The following ACYP2 variants were observed in gnomAD, a reference collection of about 807,000 sequenced individuals.
ACYP2 encodes acylphosphatase 2.
A neutral mutation model predicts 11.2 loss-of-function variants in ACYP2; 12 were observed. The observed-to-expected ratio is 1.08, with a 90% CI of 0.69 to 1.74. The LOEUF (loss-of-function observed/expected upper bound fraction) is 1.74, where lower values mean the gene tolerates loss of function less well. ACYP2 is among the 40% of genes most tolerant of loss of function. ACYP2 has a pLI of 0.00. For synonymous variants in ACYP2, 43 were observed against 32.2 expected (o/e 1.33, Z -1.13); for missense variants, 134 against 101.9 (o/e 1.31, Z -1.35).
At chr2:54,000,102 T>C (rs574717302) in intron 2 of ACYP2, among the ~76,000 whole-genome samples, 6 of 151,862 alleles carry the variant, frequency 4.0e-5, no homozygotes, top group African/African-American at 1.4e-4. Flanking sequence ...GAAATTTCTA[T>C]ATACTTATTT....
chr2:54,094,751 T>A (rs1048678805), intron 4 of ACYP2, among the ~76,000 whole-genome samples: 1 of 151,788 alleles, frequency 6.6e-6, no homozygotes, highest in African/African-American at 2.4e-5. Context: ...TTGGCCTGAC[T>A]GGTCTCAAAC....
At chr2:54,131,110 C>T (rs1287780179) in intron 4 of ACYP2, among the ~76,000 whole-genome samples, 5 of 152,222 alleles carry the variant, frequency 3.3e-5, no homozygotes, top group African/African-American at 7.2e-5. Context: ...ATTCTTTGCA[C>T]TTAAAATTAG....
chr2:54,269,912 TATATAAC>T (rs1350930894), intron 6 of ACYP2, among the ~76,000 whole-genome samples: 2 of 152,198 alleles, frequency 1.3e-5, no homozygotes, highest in African/African-American at 2.4e-5. Flanking sequence ...TTCTAATGAC[TATATAAC>T]AGTCTGTTGA....
intron 2 of ACYP2, among the ~76,000 whole-genome samples, chr2:54,023,625 C>T (rs181313376): frequency 6.6e-6 from 1 of 152,174 alleles, no homozygotes; most frequent in East Asian, 1.9e-4. Context: ...GTTGAGTATC[C>T]TTTCATGGGC....
At position 54,304,726 on chromosome 2, in the gene ACYP2, G is replaced by C; in HGVS notation, c.443G>C (p.Arg148Pro). The change falls in exon 7 of 7, where the codon CGC becomes CCC. Residue 148 changes from arginine (R) to proline (P), a missense_variant. By Grantham distance (103) the Arg-to-Pro change is moderately radical (BLOSUM62 -2). Transcript: ENST00000607452. Reference sequence around the variant, plus strand: ...AGCAAGGTTGGAAGCCCTAGTTCTCGCATTGACCGCACAAACTTTTCTAAT... The same window carrying C: ...AGCAAGGTTGGAAGCCCTAGTTCTCCCATTGACCGCACAAACTTTTCTAAT... 6.2e-7 allele frequency: 1 copy of C among 1,611,872 alleles called. No individual in the cohort carries two copies. The highest frequency in any genetic ancestry group is 8.5e-7 in the Non-Finnish European group (1 of 1,179,448).
At chr2:54,167,587 G>A (rs1270008778) in intron 6 of ACYP2, among the ~76,000 whole-genome samples, 1 of 152,094 alleles carries the variant, frequency 6.6e-6, no homozygotes, top group East Asian at 1.9e-4. Flanking sequence ...TTTGGGGGAG[G>A]AACTACTGAG....
At chr2:54,197,933 G>A (rs1031057219) in intron 6 of ACYP2, among the ~76,000 whole-genome samples, 5 of 108,964 alleles carry the variant, frequency 4.6e-5, no homozygotes, top group Non-Finnish European at 6.4e-5. Flanking sequence ...TTTTATTTAT[G>A]TATGTATTAT....
intron 2 of ACYP2, among the ~76,000 whole-genome samples, chr2:53,989,072 A>G (rs1417840532): frequency 6.6e-6 from 1 of 151,824 alleles, no homozygotes; most frequent in Non-Finnish European, 1.5e-5. Flanking sequence ...AAATAACACC[A>G]TCTGAAGGCC....
chr2:54,113,886 A>C (rs1392431185), intron 4 of ACYP2, among the ~76,000 whole-genome samples: 1 of 152,040 alleles, frequency 6.6e-6, no homozygotes, highest in Non-Finnish European at 1.5e-5. Flanking sequence ...GAACGTATTA[A>C]GAAGAATGAT....
chr2:54,132,177 C>T (rs1009836994), intron 4 of ACYP2, among the ~76,000 whole-genome samples: 2 of 151,924 alleles, frequency 1.3e-5, no homozygotes, highest in African/African-American at 2.4e-5. Flanking sequence ...GATAAAAAGA[C>T]GCACACTTTT....
intron 5 of ACYP2, among the ~76,000 whole-genome samples, chr2:54,137,588 C>G (rs1305882518): frequency 6.6e-6 from 1 of 152,168 alleles, no homozygotes; most frequent in Non-Finnish European, 1.5e-5. Flanking sequence ...CAGCTCCATT[C>G]ATGTTCCTTC....
intron 6 of ACYP2, among the ~76,000 whole-genome samples, chr2:54,238,536 T>A (rs1480626191): frequency 2.0e-5 from 3 of 152,196 alleles, no homozygotes; most frequent in African/African-American, 7.2e-5. Flanking sequence ...AATGTAAAGA[T>A]AGTATCATTG....
At chr2:54,069,931 C>G (rs1029419632) in intron 4 of ACYP2, among the ~76,000 whole-genome samples, 8 of 152,164 alleles carry the variant, frequency 5.3e-5, no homozygotes, top group Non-Finnish European at 1.0e-4. Context: ...ACCCAGAATA[C>G]TTCTCTGGCA....
chr2:54,093,988 T>C (rs761613066), intron 4 of ACYP2, among the ~76,000 whole-genome samples: 4 of 152,026 alleles, frequency 2.6e-5, no homozygotes, highest in African/African-American at 9.7e-5. Flanking sequence ...CTCAGTATCA[T>C]TGTGAAGTGT....
At position 54,081,532 on chromosome 2, in the gene ACYP2, A is replaced by G. The variant is rs532934721; in HGVS notation, c.277+24172A>G. 2.1e-3 allele frequency among the ~76,000 whole-genome samples: 324 copies of G among 152,322 alleles called. 2 individuals carry two copies. The highest frequency in any genetic ancestry group is 7.4e-3 in the African/African-American group (307 of 41,568). On this transcript the variant is annotated intron_variant, in intron 4 of 6. Transcript: ENST00000607452. ...AAAGGTTTGTAGCCCAGGAACAATC[A>G]GCTATACCATATAGACCAGGTGTGG... is the stretch of plus-strand genomic sequence containing the variant.
intron 2 of ACYP2, among the ~76,000 whole-genome samples, chr2:54,031,500 G>A (rs976052612): frequency 5.9e-5 from 9 of 152,068 alleles, no homozygotes; most frequent in Admixed American, 2.6e-4. Context: ...GCATATGTGC[G>A]ACATTTTCTT....
chr2:54,134,098 T>C (rs1236912835), intron 4 of ACYP2, among the ~76,000 whole-genome samples: 1 of 152,196 alleles, frequency 6.6e-6, no homozygotes, highest in Non-Finnish European at 1.5e-5. Context: ...ATAGAGATTC[T>C]AAGAATCATT....
chr2:54,034,415 G>C (rs947131389), intron 2 of ACYP2, among the ~76,000 whole-genome samples: 1 of 152,104 alleles, frequency 6.6e-6, no homozygotes, highest in African/African-American at 2.4e-5. Flanking sequence ...TCTGTGTTTA[G>C]ATACATCTAG....
intron 2 of ACYP2, among the ~76,000 whole-genome samples, chr2:54,004,894 C>CAAAAAAA (rs754230632): frequency 3.1e-5 from 1 of 31,926 alleles, no homozygotes; most frequent in Admixed American, 3.3e-4. Flanking sequence ...GACTCTGTCT[C>CAAAAAAA]AAAAAAAAAA....
Sources: gnomAD v4.1 joint callset for allele counts (sites outside exome capture counted in the v4.1 genomes callset) on GRCh38, gnomAD v4.1.1 for gene constraint, MANE v1.5 for transcripts, NCBI Gene and HGNC (gene_info 2026-07-23, HGNC 2026-07-21) for gene names.